Variants in AGAP1 observed in about 807,000 individuals in gnomAD.
AGAP1 encodes the protein ArfGAP with GTPase domain, ankyrin repeat and PH domain 1.
In AGAP1, 29 loss-of-function variants were observed where a neutral mutation model predicts 105.3. That is an observed-to-expected ratio of 0.28 (90% CI 0.21 to 0.38). The LOEUF (loss-of-function observed/expected upper bound fraction) is 0.38. AGAP1 is among the 10% of genes least tolerant of loss of function. The pLI, the probability that AGAP1 is intolerant of heterozygous loss-of-function variation, is 1.00. For synonymous variants in AGAP1, 509 were observed against 485.9 expected (o/e 1.05, Z -0.63); for missense variants, 998 against 1,165.1 (o/e 0.86, Z 2.09).
At chr2:235,972,864 C>T (rs1160539860) in intron 13 of AGAP1, among the ~76,000 whole-genome samples, 1 of 152,184 alleles carries the variant, frequency 6.6e-6, no homozygotes, top group Non-Finnish European at 1.5e-5. Flanking sequence ...GGGGTATGTG[C>T]TCCCCTCCAT....
In AGAP1 at chr2:235,700,707, G is replaced by A. The variant is rs1176357355; in HGVS notation, c.164-8472G>A. ...CCCAGCTACTCAAGAGACTGAGGCG[G>A]GAGAATCACTTGAACCCTGGAGGCA... On this transcript the variant is annotated intron_variant, in intron 1 of 17. Coordinates refer to ENST00000304032, the MANE Select transcript of AGAP1 (RefSeq NM_001037131.3). This position sits in a 1 kb window ranked among gnomAD's most constrained non-coding sequence, Gnocchi z 6.1. Among the ~76,000 whole-genome samples, 2 of 151,958 alleles carry A rather than the reference G, an allele frequency of 1.3e-5. No individual in the cohort carries two copies. The highest frequency in any genetic ancestry group is 2.9e-5 in the Non-Finnish European group (2 of 68,002).
At chr2:235,710,771 G>T (rs532376065) in intron 2 of AGAP1, among the ~76,000 whole-genome samples, 4 of 152,164 alleles carry the variant, frequency 2.6e-5, no homozygotes, top group Non-Finnish European at 5.9e-5. Flanking sequence ...GAACAATCCC[G>T]CAGTTTCCGT....
chr2:235,730,040 C>T (rs1951857977), intron 3 of AGAP1, among the ~76,000 whole-genome samples: 1 of 152,102 alleles, frequency 6.6e-6, no homozygotes, highest in African/African-American at 2.4e-5. Context: ...CATCGAATAG[C>T]AACCATCCTT....
Position 236,129,766 on chromosome 2 carries a change from A to C in AGAP1, c.*5644A>C, listed in dbSNP as rs1247342841. 1 of 152,194 alleles carries C rather than the reference A, an allele frequency of 6.6e-6. No homozygotes were observed. The highest frequency in any genetic ancestry group is 1.9e-4 in the East Asian group (1 of 5,202). 9.4% of individuals were successfully genotyped at this position (152,194 alleles called of 1,614,324 possible). On this transcript the variant is annotated 3_prime_UTR_variant, in exon 18 of 18. Transcript: ENST00000304032. This position sits in a 1 kb window ranked among gnomAD's most constrained non-coding sequence, Gnocchi z 6.2. ...CTTCGCGTCACATGTCCGCATTGGC[A>C]GGTGATTCTGGAAAGGGATTCTGGG... is the stretch of plus-strand genomic sequence containing the variant.
At chr2:235,873,587 G>T (rs1184908433) in intron 9 of AGAP1, among the ~76,000 whole-genome samples, 1 of 152,170 alleles carries the variant, frequency 6.6e-6, no homozygotes, top group Admixed American at 6.5e-5. Context: ...CAGCTGGGGA[G>T]TCCGGGCTTT....
chr2:235,610,098 C>T lies in AGAP1; in HGVS notation c.164-99081C>T, dbSNP rs1946076554. Among the ~76,000 whole-genome samples the T allele has an allele frequency of 6.6e-6, 1 of 152,192 alleles. No individual in the cohort carries two copies. Among genetic ancestry groups the T allele is most frequent in the African/African-American group, 2.4e-5 (1 of 41,448 alleles). On this transcript the variant is annotated intron_variant, in intron 1 of 17. Coordinates refer to ENST00000304032, the MANE Select transcript of AGAP1 (RefSeq NM_001037131.3). This position sits in a 1 kb window ranked among gnomAD's most constrained non-coding sequence, Gnocchi z 4.9. ...AGGGCCAGCACTTTTAGCTCCTAGT[C>T]ACAGATATGGTGACAGGCTTGTCTC... is the stretch of plus-strand genomic sequence containing the variant.
Position 235,610,945 on chromosome 2 carries a change from C to G in AGAP1, c.164-98234C>G. The stretch of plus-strand genomic sequence containing the variant: ...TTTTCAGCCCCTCTGAAGAGCGGCC[C>G]AGTAGGATGGTTGACTGACGTTAGC... On this transcript the variant is annotated intron_variant, in intron 1 of 17. Coordinates refer to ENST00000304032, the MANE Select transcript of AGAP1 (RefSeq NM_001037131.3). This position sits in a 1 kb window ranked among gnomAD's most constrained non-coding sequence, Gnocchi z 4.9. Among the ~76,000 whole-genome samples the G allele has an allele frequency of 6.6e-6, 1 of 151,998 alleles. No individual in the cohort carries two copies. The highest frequency in any genetic ancestry group is 1.9e-4 in the East Asian group (1 of 5,190).
chr2:236,049,292 T>C lies in AGAP1; in HGVS notation c.2114+11T>C. On this transcript the variant is annotated intron_variant, in intron 16 of 17. Transcript: ENST00000304032. ...GGTAGACTCCACAAGGTAGGAACTTTGGAAGATGCCTGGCTCCCGACACGT... is the reference window on the plus strand; with the variant it reads ...GGTAGACTCCACAAGGTAGGAACTTCGGAAGATGCCTGGCTCCCGACACGT... The C allele has an allele frequency of 1.9e-6, 3 of 1,603,874 alleles. No individual in the cohort carries two copies. The South Asian group carries it at 3.3e-5, about 18-fold the overall frequency.
rs1400830232 is a variant in AGAP1 at position 236,042,912 on chromosome 2, T to C, written c.1891+2071T>C. Among the ~76,000 whole-genome samples the C allele has an allele frequency of 1.3e-5, 2 of 152,354 alleles. No homozygotes were observed. Among genetic ancestry groups the C allele is most frequent in the East Asian group, 3.9e-4 (2 of 5,184 alleles). ...AACCCTCCCATGCGCTGTCTTTTCA[T>C]TCTGCAACCCTAGTAGTTGGTGCCC... On this transcript the variant is annotated intron_variant, in intron 15 of 17. Transcript: ENST00000304032. The surrounding 1 kb of genome is among the most constrained non-coding windows in gnomAD (Gnocchi z 5.6).
At chr2:236,097,420 G>A (rs898828765) in intron 16 of AGAP1, among the ~76,000 whole-genome samples, 1 of 103,652 alleles carries the variant, frequency 9.6e-6, no homozygotes, top group Non-Finnish European at 1.8e-5. Context: ...TTGAGATGGA[G>A]TCTTGCTCTG....
At chr2:235,991,129 A>G (rs1046580637) in intron 13 of AGAP1, among the ~76,000 whole-genome samples, 1 of 152,222 alleles carries the variant, frequency 6.6e-6, no homozygotes, top group Non-Finnish European at 1.5e-5. Context: ...GTTCTACTGT[A>G]TTGTGTAAAA....
At position 235,631,858 on chromosome 2, in the gene AGAP1, T is replaced by C. The variant is rs897066150; in HGVS notation, c.164-77321T>C. Among the ~76,000 whole-genome samples, 2 of 152,216 alleles carry C rather than the reference T, an allele frequency of 1.3e-5. No individual in the cohort carries two copies. Among genetic ancestry groups the C allele is most frequent in the Admixed American group, 1.3e-4 (2 of 15,286 alleles). On this transcript the variant is annotated intron_variant, in intron 1 of 17. Transcript: ENST00000304032. This position sits in a 1 kb window ranked among gnomAD's most constrained non-coding sequence, Gnocchi z 5.4. ...TGTGGCCACTCTCGTGAGATGCAAC[T>C]GGAGGTGTTTTGTGGCAGCTTCTGG...
rs2049210205 is a variant in AGAP1 at position 235,867,139 on chromosome 2, T to C, written c.1051-16206T>C. 6.6e-6 allele frequency among the ~76,000 whole-genome samples: 1 copy of C among 152,158 alleles called. No individual in the cohort carries two copies. The highest frequency in any genetic ancestry group is 1.5e-5 in the Non-Finnish European group (1 of 68,024). ...AGGGGCAGGATGCAAGAAGGACATT[T>C]CAGGGGAAAAGAATTGAATTTGCCA... On this transcript the variant is annotated intron_variant, in intron 9 of 17. Transcript: ENST00000304032. The surrounding 1 kb of genome is among the most constrained non-coding windows in gnomAD (Gnocchi z 5.4).
chr2:235,907,877 T>C (rs1026567327), intron 10 of AGAP1, among the ~76,000 whole-genome samples: 1 of 152,192 alleles, frequency 6.6e-6, no homozygotes, highest in Non-Finnish European at 1.5e-5. Context: ...TATTCTTTCT[T>C]AACGTGTGAT....
intron 9 of AGAP1, among the ~76,000 whole-genome samples, chr2:235,863,681 CT>C (rs2049029192): frequency 6.6e-6 from 1 of 152,244 alleles, no homozygotes; most frequent in African/African-American, 2.4e-5. Context: ...ACATGGCTAA[CT>C]ACGGGTCGCT....
intron 1 of AGAP1, among the ~76,000 whole-genome samples, chr2:235,583,530 G>A (rs1945003346): frequency 6.6e-6 from 1 of 150,742 alleles, no homozygotes; most frequent in African/African-American, 2.5e-5. Flanking sequence ...GGGACCACAA[G>A]CATGCACCAC....
rs1279828899 is a variant in AGAP1 at position 235,689,134 on chromosome 2, A to G, written c.164-20045A>G. Reference sequence around the variant, plus strand: ...GAAGAAATAAGCCCAAGGCTATCCCATGAGTTAGGGGCTTCAGGGCTTCTG... The same window carrying G: ...GAAGAAATAAGCCCAAGGCTATCCCGTGAGTTAGGGGCTTCAGGGCTTCTG... On this transcript the variant is annotated intron_variant, in intron 1 of 17. Transcript: ENST00000304032. The surrounding 1 kb of genome is among the most constrained non-coding windows in gnomAD (Gnocchi z 4.2). Among the ~76,000 whole-genome samples the G allele has an allele frequency of 1.3e-5, 2 of 152,228 alleles. No individual in the cohort carries two copies. The highest frequency in any genetic ancestry group is 2.1e-4 in the South Asian group (1 of 4,832).
chr2:235,929,883 T>TA (rs2052638462), intron 11 of AGAP1, among the ~76,000 whole-genome samples: 1 of 152,204 alleles, frequency 6.6e-6, no homozygotes, highest in Non-Finnish European at 1.5e-5. Flanking sequence ...GTGAAAAACT[T>TA]ATGTTGAGAC....
chr2:235,606,036 C>G (rs1945923730), intron 1 of AGAP1, among the ~76,000 whole-genome samples: 1 of 152,204 alleles, frequency 6.6e-6, no homozygotes, highest in Non-Finnish European at 1.5e-5. Flanking sequence ...ATAAGGAAAA[C>G]AACAAAACAA....
Sources: gnomAD v4.1 joint callset for allele counts (sites outside exome capture counted in the v4.1 genomes callset) on GRCh38, gnomAD v4.1.1 for gene constraint, Gnocchi (gnomAD v3.1) non-coding constraint, MANE v1.5 for transcripts, NCBI Gene and HGNC (gene_info 2026-07-23, HGNC 2026-07-21) for gene names.